EXOC4: variants seen among roughly 807,000 people sequenced by gnomAD.
EXOC4 encodes the protein SEC8-like 1.
In EXOC4, 71 loss-of-function variants were observed where a neutral mutation model predicts 107.2. The ratio of observed to expected loss-of-function variants is 0.66; its 90% CI spans 0.55 to 0.81. The LOEUF (loss-of-function observed/expected upper bound fraction) is 0.81. Ranked by LOEUF, EXOC4 falls within the 30% of genes least tolerant of loss-of-function variation. The pLI is 0.00. For missense variants in EXOC4, 1,108 were observed against 1,189.6 expected, an observed-to-expected ratio of 0.93 and a Z score of 1.01; for synonymous variants, 456 against 441.2, an observed-to-expected ratio of 1.03 and a Z score of -0.42.
chr7:133,638,572 C>T lies in EXOC4; in HGVS notation c.1514+8431C>T, dbSNP rs574963830. Among the ~76,000 whole-genome samples, 158 of 152,274 alleles carry T rather than the reference C, an allele frequency of 1.0e-3. 7 individuals carry two copies. In the South Asian group the frequency reaches 0.027, roughly 26 times the overall value. ...AGAGACTCATGGAGGGGTTGTTAGA[C>T]GAATGCCACCCCTCCCTACCATATA... On this transcript the variant is annotated intron_variant, in intron 10 of 17. Coordinates refer to ENST00000253861, the MANE Select transcript of EXOC4 (RefSeq NM_021807.4).
rs397890140 is a variant in EXOC4, at chr7:133,659,000, C to CTTTT, written c.1514+28885_1514+28888dup. On this transcript the variant is annotated intron_variant, in intron 10 of 17. Coordinates refer to ENST00000253861, the MANE Select transcript of EXOC4 (RefSeq NM_021807.4). ...TGATTTGGTGAAGACTTCAGAGAAG[C>CTTTT]TTTTTTTTTTTTTTTTTTTTTTTTT... Among the ~76,000 whole-genome samples, 247 of 40,152 alleles carry CTTTT rather than the reference C, an allele frequency of 6.2e-3. 28 individuals carry two copies. Among genetic ancestry groups the CTTTT allele is most frequent in the African/African-American group, 0.011 (113 of 9,842 alleles). The allele number at this position is 40,152 out of a possible 152,430, so 26.3% of individuals were successfully genotyped here. A position where few individuals can be genotyped will look rare whatever the true frequency, so the allele number is the denominator to read the frequency against.
At position 133,618,612 on chromosome 7, in the gene EXOC4, G is replaced by C. The variant is rs78791261; in HGVS notation, c.1418-11433G>C. ...GTCGACATTGAATTTACTGAATTCA[G>C]TGAAGGACGGAGGTCAGTACTTCAA... is the stretch of plus-strand genomic sequence containing the variant. On this transcript the variant is annotated intron_variant, in intron 9 of 17. Transcript: ENST00000253861. 4.5e-4 allele frequency among the ~76,000 whole-genome samples: 69 copies of C among 152,276 alleles called. 1 individual carries two copies. The East Asian group carries it at 0.012, about 26-fold the overall frequency.
At chr7:133,298,309 T>A (rs971149388) in intron 3 of EXOC4, among the ~76,000 whole-genome samples, 1 of 152,080 alleles carries the variant, frequency 6.6e-6, no homozygotes, top group East Asian at 1.9e-4. Context: ...TCTTGCAGAG[T>A]GTGGGCGAAA....
In EXOC4 at chr7:133,650,937, G is replaced by GTTTTTTTTTT. The variant is rs200499348; in HGVS notation, c.1514+20812_1514+20821dup. ...TCTTAGTACATACTGAGATTGGTCA[G>GTTTTTTTTTT]TTTTTTTTTTTTTTTTTTTTTTTTT... On this transcript the variant is annotated intron_variant, in intron 10 of 17. Transcript: ENST00000253861. Among the ~76,000 whole-genome samples the GTTTTTTTTTT allele has an allele frequency of 2.9e-3, 253 of 88,644 alleles. 24 individuals carry two copies. Among genetic ancestry groups the GTTTTTTTTTT allele is most frequent in the South Asian group, 4.3e-3 (9 of 2,072 alleles). 58.2% of individuals were successfully genotyped at this position (88,644 alleles called of 152,430 possible). A position where few individuals can be genotyped will look rare whatever the true frequency, so the allele number is the denominator to read the frequency against.
chr7:133,555,545 A>G (rs1405158665), intron 9 of EXOC4, among the ~76,000 whole-genome samples: 2 of 152,200 alleles, frequency 1.3e-5, no homozygotes, highest in Non-Finnish European at 2.9e-5. Flanking sequence ...CTCCAGCTAT[A>G]TGATTTTAGA....
the EXOC4 span, among the ~76,000 whole-genome samples, chr7:134,099,563 G>A: frequency 4.9e-5 from 6 of 122,352 alleles, no homozygotes; most frequent in Middle Eastern, 6.3e-3. Flanking sequence ...AGACAGTCTC[G>A]CTGTCACCCA....
intron 11 of EXOC4, among the ~76,000 whole-genome samples, chr7:133,865,251 A>G (rs1798612677): frequency 6.6e-6 from 1 of 152,200 alleles, no homozygotes; most frequent in Non-Finnish European, 1.5e-5. Context: ...GAAATGAAGA[A>G]TAAGAAATTC....
At chr7:134,064,211 G>A (rs1182941108) in intron 17 of EXOC4, 80 bp from the exon 18 acceptor site, 1 of 893,178 alleles carries the variant, frequency 1.1e-6, no homozygotes, top group Non-Finnish European at 1.7e-6. Context: ...AGGAATCAAT[G>A]TATAGACAGC....
chr7:133,333,571 A>G (rs564604167), intron 5 of EXOC4, among the ~76,000 whole-genome samples: 1 of 152,306 alleles, frequency 6.6e-6, no homozygotes, highest in South Asian at 2.1e-4. Context: ...GCTTATGTAT[A>G]TTACATGTGT....
chr7:133,634,982 A>G (rs1802674005), intron 10 of EXOC4, among the ~76,000 whole-genome samples: 1 of 151,800 alleles, frequency 6.6e-6, no homozygotes, highest in African/African-American at 2.4e-5. Flanking sequence ...AAGACTTTTA[A>G]GACGAATGAA....
intron 17 of EXOC4, among the ~76,000 whole-genome samples, chr7:134,027,396 A>G (rs1795163568): frequency 6.6e-6 from 1 of 152,186 alleles, no homozygotes; most frequent in Non-Finnish European, 1.5e-5. Context: ...ACCGTGGCTC[A>G]TGCCTGTAAC....
At chr7:133,494,097 C>T (rs1799427152) in intron 9 of EXOC4, among the ~76,000 whole-genome samples, 1 of 152,174 alleles carries the variant, frequency 6.6e-6, no homozygotes, top group African/African-American at 2.4e-5. Flanking sequence ...TCCAGTTTGA[C>T]ATCACTTTCT....
chr7:133,616,313 G>A (rs1408705503), intron 9 of EXOC4, among the ~76,000 whole-genome samples: 1 of 152,004 alleles, frequency 6.6e-6, no homozygotes, highest in Non-Finnish European at 1.5e-5. Flanking sequence ...TGAACTTCAT[G>A]AGGTCATGGA....
At chr7:134,040,148 C>G (rs1354187814) in intron 17 of EXOC4, among the ~76,000 whole-genome samples, 1 of 152,212 alleles carries the variant, frequency 6.6e-6, no homozygotes, top group Non-Finnish European at 1.5e-5. Flanking sequence ...CTCTTGGTCT[C>G]TTCCCTTCAG....
intron 17 of EXOC4, among the ~76,000 whole-genome samples, chr7:134,045,588 G>A (rs1563103149): frequency 6.6e-6 from 1 of 152,270 alleles, no homozygotes; most frequent in African/African-American, 2.4e-5. Context: ...CCAGTTTATA[G>A]GATTTGCATT....
chr7:133,334,842 C>A (rs1212348654), intron 5 of EXOC4, among the ~76,000 whole-genome samples: 1 of 152,058 alleles, frequency 6.6e-6, no homozygotes, highest in African/African-American at 2.4e-5. Context: ...TCTGTTCCTG[C>A]GTTAGTTTGC....
chr7:133,641,812 C>T (rs1039526968), intron 10 of EXOC4, among the ~76,000 whole-genome samples: 1 of 152,174 alleles, frequency 6.6e-6, no homozygotes, highest in African/African-American at 2.4e-5. Context: ...CCACTAAATT[C>T]ATTCTTTAGC....
intron 10 of EXOC4, among the ~76,000 whole-genome samples, chr7:133,690,387 G>A (rs1794394215): frequency 6.6e-6 from 1 of 152,192 alleles, no homozygotes; most frequent in South Asian, 2.1e-4. Context: ...AGTCATGGCA[G>A]CAGCTAAAAA....
At chr7:133,441,918 A>G (rs1798114602) in intron 7 of EXOC4, among the ~76,000 whole-genome samples, 1 of 152,118 alleles carries the variant, frequency 6.6e-6, no homozygotes, top group Non-Finnish European at 1.5e-5. Context: ...TATTCCTGAG[A>G]TGGGATTCCT....
Sources: gnomAD v4.1 joint callset for allele counts (sites outside exome capture counted in the v4.1 genomes callset) on GRCh38, gnomAD v4.1.1 for gene constraint, MANE v1.5 for transcripts, NCBI Gene and HGNC (gene_info 2026-07-23, HGNC 2026-07-21) for gene names.